FAT2: variants seen among roughly 807,000 people sequenced by gnomAD.
FAT2 encodes the protein protocadherin Fat 2.
Under a neutral mutation model 295.3 loss-of-function variants are expected in FAT2, and 150 were observed. The observed-to-expected ratio is 0.51, with a 90% CI of 0.44 to 0.58. FAT2 has a LOEUF of 0.58. Ranked by LOEUF, FAT2 falls within the 20% of genes least tolerant of loss-of-function variation. The pLI, the probability that FAT2 is intolerant of heterozygous loss-of-function variation, is 0.00. For synonymous variants in FAT2, 2,026 were observed against 2,150.3 expected (o/e 0.94, Z 1.60); for missense variants, 4,868 against 5,442.7 (o/e 0.89, Z 3.32).
intron 1 of FAT2, among the ~76,000 whole-genome samples, chr5:151,580,386 C>T (rs1045412307): frequency 1.4e-4 from 21 of 152,332 alleles, no homozygotes; most frequent in African/African-American, 4.8e-4. Context: ...TAACACTTAC[C>T]TTCCTGGAGG....
rs1200744588 is a variant in FAT2, at chr5:151,550,809, A to G, written c.4359T>C (p.Tyr1453=). Reference sequence around the variant, plus strand: ...CGGTGTCCTGGGGAACTCTGACTTCATAACGAGTTTCCAGAAACTGGGGCC... The same window carrying G: ...CGGTGTCCTGGGGAACTCTGACTTCGTAACGAGTTTCCAGAAACTGGGGCC... ...HHRPQFLETR[Y]EVRVPQDTVP... The change falls in exon 8 of 24, where the codon TAT becomes TAC. Residue 1453 remains tyrosine, a synonymous_variant. Coordinates refer to ENST00000261800, the MANE Select transcript of FAT2 (RefSeq NM_001447.3). The G allele has an allele frequency of 1.1e-5, 17 of 1,613,940 alleles. No homozygotes were observed. Among genetic ancestry groups the G allele is most frequent in the Non-Finnish European group, 1.4e-5 (16 of 1,180,018 alleles).
rs1233279786 is a variant in FAT2, at chr5:151,504,373, C to A, written c.*1192G>T. The A allele has an allele frequency of 6.5e-6, 1 of 152,688 alleles. No individual in the cohort carries two copies. The highest frequency in any genetic ancestry group is 2.4e-5 in the African/African-American group (1 of 41,466). The allele number at this position is 152,688 out of a possible 1,614,324, so 9.5% of individuals were successfully genotyped here. On this transcript the variant is annotated 3_prime_UTR_variant, in exon 24 of 24. Coordinates refer to ENST00000261800, the MANE Select transcript of FAT2 (RefSeq NM_001447.3). The stretch of plus-strand genomic sequence containing the variant: ...GTGAGGTCACCAAAGGCCACAGAGG[C>A]TTCTGGTCCCCACCACTCCTGGCTA...
chr5:151,535,609 G>C (rs977614843), intron 12 of FAT2, among the ~76,000 whole-genome samples: 1 of 152,176 alleles, frequency 6.6e-6, no homozygotes, highest in African/African-American at 2.4e-5. Flanking sequence ...GTAAACACAA[G>C]TGTTTTTCTG....
At position 151,542,601 on chromosome 5, in the gene FAT2, G is replaced by A; in HGVS notation, c.8526C>T (p.Ser2842=). 3 of 1,614,162 alleles carry A rather than the reference G, an allele frequency of 1.9e-6. No homozygotes were observed. The highest frequency in any genetic ancestry group is 2.5e-6 in the Non-Finnish European group (3 of 1,180,036). ...CAATGGCAAAGAGCTCATGGACATT[G>A]CTACCAGGGTCTGCAGACAGCCTGT... The part of the protein sequence containing the change: ...VSYRLSADPG[S]NVHELFAIDS... The change falls in exon 10 of 24, where the codon AGC becomes AGT. Residue 2842 remains serine, a synonymous_variant. Coordinates refer to ENST00000261800, the MANE Select transcript of FAT2 (RefSeq NM_001447.3).
In FAT2 at chr5:151,517,773, A is replaced by T; in HGVS notation, c.11318-8T>A. ...TGAACCTTGTAGCAGTACCTGAGAAAGCAACCAAAGCTGTCACCTCTACTT... is the reference window on the plus strand; with the variant it reads ...TGAACCTTGTAGCAGTACCTGAGAATGCAACCAAAGCTGTCACCTCTACTT... On this transcript the variant is annotated splice_polypyrimidine_tract_variant and splice_region_variant and intron_variant, in intron 19 of 23. Coordinates refer to ENST00000261800, the MANE Select transcript of FAT2 (RefSeq NM_001447.3). 3 of 1,613,960 alleles carry T rather than the reference A, an allele frequency of 1.9e-6. No homozygotes were observed. The highest frequency in any genetic ancestry group is 2.5e-6 in the Non-Finnish European group (3 of 1,179,836).
rs1286169966 is a variant in FAT2, at chr5:151,546,156, G to C, written c.4971C>G (p.Ala1657=). ...IIHVYPSDRS[A]PIFSKSEYFV... ...AGTACTCAGATTTTGAAAAGATGGGGGCACTCCTATCTGAGGGATAGACAT... is the reference window on the plus strand; with the variant it reads ...AGTACTCAGATTTTGAAAAGATGGGCGCACTCCTATCTGAGGGATAGACAT... Residue 1657 remains alanine, a synonymous_variant, in exon 10 of 24, where the codon GCC becomes GCG. Transcript: ENST00000261800. 1 of 1,614,060 alleles carries C rather than the reference G, an allele frequency of 6.2e-7. No individual in the cohort carries two copies. Among genetic ancestry groups the C allele is most frequent in the East Asian group, 2.2e-5 (1 of 44,878 alleles).
intron 1 of FAT2, among the ~76,000 whole-genome samples, chr5:151,580,161 G>A (rs897060408): frequency 6.6e-6 from 1 of 152,218 alleles, no homozygotes; most frequent in Non-Finnish European, 1.5e-5. Flanking sequence ...TTTGGCACTG[G>A]CCATGCTGTT....
chr5:151,575,516 G>A (rs1758709502), intron 1 of FAT2, among the ~76,000 whole-genome samples: 1 of 152,206 alleles, frequency 6.6e-6, no homozygotes, highest in Non-Finnish European at 1.5e-5. Context: ...TGGAGTTGTT[G>A]AGAAGGCTGA....
intron 2 of FAT2, among the ~76,000 whole-genome samples, chr5:151,564,937 G>T (rs774537456): frequency 6.6e-6 from 1 of 152,136 alleles, no homozygotes; most frequent in African/African-American, 2.4e-5. Flanking sequence ...GCCGGGCATG[G>T]TGGTGGGTGC....
At chr5:151,553,994 G>A (rs746501712) in intron 5 of FAT2, among the ~76,000 whole-genome samples, 34 of 152,150 alleles carry the variant, frequency 2.2e-4, no homozygotes, top group Admixed American at 5.9e-4. Flanking sequence ...CAAGAAAGAC[G>A]TTCTTATCTC....
At position 151,512,727 on chromosome 5, in the gene FAT2, G is replaced by C. The variant is rs1761417844; in HGVS notation, c.11464-121C>G. On this transcript the variant is annotated intron_variant, in intron 20 of 23. Transcript: ENST00000261800. The surrounding 1 kb of genome is among the most constrained non-coding windows in gnomAD (Gnocchi z 4.1). ...ATGGGTAGGAGGGGGGTGTTTGGCT[G>C]TTTTAGACATGGCATTTGCAGAGCA... is the stretch of plus-strand genomic sequence containing the variant. The C allele has an allele frequency of 1.1e-6, 1 of 895,544 alleles. No individual in the cohort carries two copies. Among genetic ancestry groups the C allele is most frequent in the Non-Finnish European group, 1.7e-6 (1 of 591,482 alleles). The allele number at this position is 895,544 out of a possible 1,614,324, so 55.5% of individuals were successfully genotyped here. A position where few individuals can be genotyped will look rare whatever the true frequency, so the allele number is the denominator to read the frequency against.
In FAT2 at chr5:151,550,733, T is replaced by C. The variant is rs1757119392; in HGVS notation, c.4435A>G (p.Lys1479Glu). ...RVQAIDQDKG[K>E]SLIYTIHGSQ... The stretch of plus-strand genomic sequence containing the variant: ...CCATGTATGGTATAGATGAGGCTTT[T>C]GCCCTTGTCTTGATCTATGGCCTGG... Residue 1479 changes from lysine to glutamate, a missense_variant, in exon 8 of 24, where the codon AAA (lysine) becomes GAA (glutamate). Physicochemically the swap from Lys to Glu is moderately conservative, Grantham distance 56. Transcript: ENST00000261800. The C allele has an allele frequency of 6.2e-7, 1 of 1,614,196 alleles. No individual in the cohort carries two copies. Among genetic ancestry groups the C allele is most frequent in the East Asian group, 2.2e-5 (1 of 44,886 alleles).
At chr5:151,561,547 C>T (rs1489085888) in intron 3 of FAT2, among the ~76,000 whole-genome samples, 1 of 152,210 alleles carries the variant, frequency 6.6e-6, no homozygotes, top group Non-Finnish European at 1.5e-5. Flanking sequence ...CACACCATCA[C>T]ACCAGGCTAA....
chr5:151,538,475 C>T (rs1017776205), intron 11 of FAT2, among the ~76,000 whole-genome samples: 14 of 152,192 alleles, frequency 9.2e-5, no homozygotes, highest in African/African-American at 2.9e-4. Flanking sequence ...GTGGCCCCAT[C>T]GCTTGGCCCA....
intron 1 of FAT2, among the ~76,000 whole-genome samples, chr5:151,570,492 A>G (rs1325853028): frequency 6.6e-6 from 1 of 152,206 alleles, no homozygotes; most frequent in Non-Finnish European, 1.5e-5. Flanking sequence ...TCATGAATAA[A>G]TGCTTCGCCT....
At chr5:151,592,631 CTT>C (rs1361336985), upstream of FAT2, among the ~76,000 whole-genome samples, 1 of 152,136 alleles carries the variant, frequency 6.6e-6, no homozygotes, top group African/African-American at 2.4e-5. Flanking sequence ...GTTGTTAATG[CTT>C]TTATTATTAT....
At chr5:151,515,000 T>C (rs547063432) in intron 20 of FAT2, among the ~76,000 whole-genome samples, 1 of 152,310 alleles carries the variant, frequency 6.6e-6, no homozygotes, top group South Asian at 2.1e-4. Flanking sequence ...AAAAAGGTTG[T>C]CTTCACCTCA....
chr5:151,505,990 G>A lies in FAT2; in HGVS notation c.12625C>T (p.Arg4209Cys), dbSNP rs148621159. The A allele has an allele frequency of 1.5e-4, 230 of 1,572,740 alleles. No homozygotes were observed. The highest frequency in any genetic ancestry group is 6.8e-4 in the Admixed American group (35 of 51,322). The part of the protein sequence containing the change: ...TQGPLPPSAH[R>C]HSTPVVMPEP... ...GGCATCACGACTGGGGTTGAGTGGC[G>A]GTGAGCCGAGGGCGGCAGAGGGCCC... The change falls in exon 24 of 24, where the codon CGC becomes TGC. Residue 4209 changes from arginine to cysteine, a missense_variant. This residue lies in a region of FAT2 where 492 missense variants were observed against 482.6 expected (regional missense o/e 1.02). Transcript: ENST00000261800.
Position 151,542,381 on chromosome 5 carries a change from C to G in FAT2, c.8746G>C (p.Val2916Leu), listed in dbSNP as rs767490287. ...FASEEYRGSV[V>L]ENSEPGELVA... The stretch of plus-strand genomic sequence containing the variant: ...AGTTCGCCAGGCTCACTGTTCTCAA[C>G]CACAGATCCTCTGTACTCTTCAGAA... Residue 2916 changes from valine to leucine, a missense_variant, in exon 10 of 24, where the codon GTT (valine) becomes CTT (leucine). Physicochemically the swap from Val to Leu is conservative, Grantham distance 32. Around this residue, in one of 5 missense-constraint regions of FAT2, gnomAD observed 3,297 missense variants for 3,669.4 expected, o/e 0.90. Coordinates refer to ENST00000261800, the MANE Select transcript of FAT2 (RefSeq NM_001447.3). The G allele has an allele frequency of 6.2e-7, 1 of 1,614,082 alleles. No individual in the cohort carries two copies. The highest frequency in any genetic ancestry group is 8.5e-7 in the Non-Finnish European group (1 of 1,180,052).
Sources: allele counts gnomAD v4.1 joint callset (sites outside exome capture counted in the v4.1 genomes callset), GRCh38; gene constraint gnomAD v4.1.1; regional missense constraint gnomAD v4.1.1; non-coding constraint Gnocchi (gnomAD v3.1); transcripts MANE v1.5; gene names NCBI Gene and HGNC (gene_info 2026-07-23, HGNC 2026-07-21).